The following TENM3 variants were observed in gnomAD, a reference collection of about 807,000 sequenced individuals.
TENM3 encodes the protein teneurin transmembrane protein 3, also known as teneurin-3.
In TENM3, 63 loss-of-function variants were observed where a neutral mutation model predicts 255.1. That is an observed-to-expected ratio of 0.25 (90% CI 0.20 to 0.30). TENM3 has a LOEUF of 0.30. Among genes scored for constraint, TENM3 ranks in the 10% least tolerant of loss-of-function variants. TENM3 has a pLI of 1.00. For missense variants in TENM3, 2,929 were observed against 3,461.1 expected (o/e 0.85, Z 3.86); for synonymous variants, 1,306 against 1,322.3 (o/e 0.99, Z 0.27).
At chr4:181,721,522 C>A in the TENM3 span, among the ~76,000 whole-genome samples, 1 of 76,244 alleles carries the variant, frequency 1.3e-5, no homozygotes, top group Non-Finnish European at 2.5e-5. Context: ...ATGGCGTGAA[C>A]CCGGGAGGCG....
intron 3 of TENM3, among the ~76,000 whole-genome samples, chr4:182,542,354 A>G (rs1378737986): frequency 1.3e-5 from 2 of 152,144 alleles, no homozygotes; most frequent in African/African-American, 4.8e-5. Context: ...TACCTGAGGC[A>G]CAGCTTACCT....
At chr4:181,651,015 C>T in the TENM3 span, among the ~76,000 whole-genome samples, 1 of 152,326 alleles carries the variant, frequency 6.6e-6, no homozygotes, top group South Asian at 2.1e-4. Flanking sequence ...TAGGTGATTT[C>T]TCCGGCCTTC....
intron 3 of TENM3, among the ~76,000 whole-genome samples, chr4:182,538,190 G>C (rs1740522955): frequency 2.6e-5 from 4 of 152,208 alleles, no homozygotes; most frequent in Admixed American, 2.6e-4. Flanking sequence ...TACCCAGGAA[G>C]AGTTTGAAGA....
chr4:182,616,423 G>A (rs1428928094), intron 4 of TENM3, among the ~76,000 whole-genome samples: 2 of 149,992 alleles, frequency 1.3e-5, no homozygotes, highest in Non-Finnish European at 3.0e-5. Flanking sequence ...CCTAATGCTA[G>A]ATGACGAGTT....
chr4:181,871,178 T>C, the TENM3 span, among the ~76,000 whole-genome samples: 1 of 148,212 alleles, frequency 6.7e-6, no homozygotes. Flanking sequence ...TCAGGTGATA[T>C]AAGTCCCCCA....
At chr4:181,564,639 C>T in the TENM3 span, among the ~76,000 whole-genome samples, 1 of 152,114 alleles carries the variant, frequency 6.6e-6, no homozygotes, top group Non-Finnish European at 1.5e-5. Context: ...ATCCTCCTTC[C>T]TCCTCCCCCA....
chr4:181,533,827 T>C, the TENM3 span, among the ~76,000 whole-genome samples: 3 of 152,214 alleles, frequency 2.0e-5, no homozygotes, highest in African/African-American at 7.2e-5. Context: ...AAACTCTGTC[T>C]TATTGGATCC....
chr4:182,129,491 T>G, the TENM3 span, among the ~76,000 whole-genome samples: 1 of 152,108 alleles, frequency 6.6e-6, no homozygotes, highest in African/African-American at 2.4e-5. Context: ...GTAACTGAAA[T>G]TATTAAACAT....
the TENM3 span, among the ~76,000 whole-genome samples, chr4:182,034,290 C>A: frequency 6.6e-6 from 1 of 152,122 alleles, no homozygotes; most frequent in Admixed American, 6.5e-5. Flanking sequence ...CAAACCATAT[C>A]AATAGGTCTC....
At chr4:182,405,112 G>A (rs1294787467) in intron 3 of TENM3, among the ~76,000 whole-genome samples, 2 of 152,128 alleles carry the variant, frequency 1.3e-5, no homozygotes, top group Non-Finnish European at 2.9e-5. Context: ...CCTGAGAAAG[G>A]TATTAGGCGT....
chr4:181,808,451 G>A, the TENM3 span, among the ~76,000 whole-genome samples: 1 of 152,106 alleles, frequency 6.6e-6, no homozygotes, highest in Admixed American at 6.5e-5. Flanking sequence ...AAAAATTCTA[G>A]TAGAAGCATT....
At chr4:181,752,782 T>C in the TENM3 span, among the ~76,000 whole-genome samples, 1 of 138,696 alleles carries the variant, frequency 7.2e-6, no homozygotes, top group Non-Finnish European at 1.6e-5. Context: ...GTTTCCGAAA[T>C]AGAAAAAAAA....
the TENM3 span, among the ~76,000 whole-genome samples, chr4:181,524,549 A>G: frequency 6.6e-6 from 1 of 152,160 alleles, no homozygotes; most frequent in Non-Finnish European, 1.5e-5. Flanking sequence ...AAAATCCAGA[A>G]GTTATTCTTA....
chr4:182,486,189 C>G (rs2151546971), intron 3 of TENM3, among the ~76,000 whole-genome samples: 1 of 152,014 alleles, frequency 6.6e-6, no homozygotes, highest in African/African-American at 2.4e-5. Flanking sequence ...AGATGGAAAG[C>G]CACTGGAAGA....
chr4:182,382,848 C>A (rs1767665205), intron 3 of TENM3, among the ~76,000 whole-genome samples: 1 of 152,134 alleles, frequency 6.6e-6, no homozygotes, highest in Non-Finnish European at 1.5e-5. Flanking sequence ...TTTCAGGGTA[C>A]CTGATGCCAG....
the TENM3 span, among the ~76,000 whole-genome samples, chr4:182,009,827 C>T: frequency 3.9e-5 from 6 of 152,194 alleles, no homozygotes; most frequent in African/African-American, 9.7e-5. Context: ...TGCTAGGCCC[C>T]GGTGGCCTGG....
At chr4:181,636,513 T>C in the TENM3 span, among the ~76,000 whole-genome samples, 1 of 152,302 alleles carries the variant, frequency 6.6e-6, no homozygotes, top group Non-Finnish European at 1.5e-5. Flanking sequence ...CACCACATTC[T>C]AGCTGATCTT....
At chr4:181,593,717 G>C in the TENM3 span, among the ~76,000 whole-genome samples, 8 of 152,164 alleles carry the variant, frequency 5.3e-5, no homozygotes, top group African/African-American at 1.7e-4. Flanking sequence ...ATGGGAAGGA[G>C]ACCATAAGCT....
chr4:182,371,953 G>A (rs1223600907), intron 3 of TENM3, among the ~76,000 whole-genome samples: 1 of 152,168 alleles, frequency 6.6e-6, no homozygotes, highest in Non-Finnish European at 1.5e-5. Flanking sequence ...CAATATGTGA[G>A]TTAATGAAAG....
Sources: gnomAD v4.1 joint callset for allele counts (sites outside exome capture counted in the v4.1 genomes callset) on GRCh38, gnomAD v4.1.1 for gene constraint, MANE v1.5 for transcripts, NCBI Gene and HGNC (gene_info 2026-07-23, HGNC 2026-07-21) for gene names.